Variants in ZBTB20 observed in about 807,000 individuals in gnomAD.
ZBTB20 encodes zinc finger and BTB domain containing 20.
In ZBTB20, 9 loss-of-function variants were observed where a neutral mutation model predicts 56.9. The observed-to-expected ratio is 0.16, with a 90% CI of 0.10 to 0.28. The LOEUF is 0.28. ZBTB20 is among the 10% of genes least tolerant of loss of function. The probability of loss-of-function intolerance (pLI) is 1.00; values close to 1 mark genes in which losing one functional copy is unlikely to be tolerated. For missense variants in ZBTB20, 655 were observed against 1,003.0 expected, an observed-to-expected ratio of 0.65 and a Z score of 4.69; for synonymous variants, 417 against 420.7, an observed-to-expected ratio of 0.99 and a Z score of 0.11.
chr3:115,066,646 T>C (rs1177392802), intron 2 of ZBTB20, among the ~76,000 whole-genome samples: 1 of 152,166 alleles, frequency 6.6e-6, no homozygotes, highest in Non-Finnish European at 1.5e-5. Flanking sequence ...TCCCACCTCA[T>C]TTCTGACTTC....
intron 3 of ZBTB20, among the ~76,000 whole-genome samples, chr3:114,926,070 T>C (rs754121992): frequency 2.0e-5 from 3 of 152,218 alleles, no homozygotes; most frequent in Non-Finnish European, 4.4e-5. Context: ...ACAGAATTTA[T>C]ACACACAATA....
At chr3:115,051,960 G>A (rs960179734) in intron 2 of ZBTB20, among the ~76,000 whole-genome samples, 5 of 151,896 alleles carry the variant, frequency 3.3e-5, no homozygotes, top group African/African-American at 7.3e-5. Flanking sequence ...ACCAGATCTC[G>A]GTGAGAACTC....
intron 6 of ZBTB20, among the ~76,000 whole-genome samples, chr3:114,501,558 G>T (rs1268220381): frequency 4.0e-5 from 6 of 149,322 alleles, no homozygotes; most frequent in African/African-American, 1.2e-4. Flanking sequence ...CCTGGGAGGC[G>T]GAGGTTGCAG....
At chr3:114,835,732 T>C (rs1196295523) in intron 4 of ZBTB20, among the ~76,000 whole-genome samples, 1 of 152,194 alleles carries the variant, frequency 6.6e-6, no homozygotes, top group African/African-American at 2.4e-5. Flanking sequence ...AGTCCATAGA[T>C]ACCTAAAGAC....
intron 1 of ZBTB20, among the ~76,000 whole-genome samples, chr3:115,089,351 T>G (rs2083103280): frequency 6.6e-6 from 1 of 151,838 alleles, no homozygotes; most frequent in Non-Finnish European, 1.5e-5. Flanking sequence ...GCATGGTGGT[T>G]AAGAGATCCC....
intron 5 of ZBTB20, among the ~76,000 whole-genome samples, chr3:114,709,325 A>C (rs9855220): frequency 0.98 from 149,625 of 152,170 alleles, 73,622 homozygotes; most frequent in Middle Eastern, 1. Context: ...TACACCCACA[A>C]TTGACCATAG....
At chr3:114,477,338 A>G (rs1435664642) in intron 7 of ZBTB20, among the ~76,000 whole-genome samples, 2 of 152,268 alleles carry the variant, frequency 1.3e-5, no homozygotes, top group South Asian at 4.2e-4. Flanking sequence ...TTTAATCATC[A>G]TAAGAGTTTT....
At chr3:114,845,382 T>A (rs1055871766) in intron 4 of ZBTB20, among the ~76,000 whole-genome samples, 1 of 148,858 alleles carries the variant, frequency 6.7e-6, no homozygotes, top group African/African-American at 2.5e-5. Flanking sequence ...AGGACCCAAA[T>A]TTATTAAATC....
At chr3:114,423,064 CA>C (rs1280199616) in intron 7 of ZBTB20, among the ~76,000 whole-genome samples, 1 of 152,116 alleles carries the variant, frequency 6.6e-6, no homozygotes, top group Non-Finnish European at 1.5e-5. Flanking sequence ...CAAAGGGCAA[CA>C]TTTTAATATT....
At chr3:115,063,527 C>A (rs2082088492) in intron 2 of ZBTB20, among the ~76,000 whole-genome samples, 1 of 152,170 alleles carries the variant, frequency 6.6e-6, no homozygotes, top group African/African-American at 2.4e-5. Flanking sequence ...GCCCCATGTA[C>A]AAATGCCATC....
intron 6 of ZBTB20, among the ~76,000 whole-genome samples, chr3:114,634,508 A>G (rs2059147141): frequency 6.6e-6 from 1 of 152,184 alleles, no homozygotes; most frequent in South Asian, 2.1e-4. Context: ...AACAAATAAT[A>G]GGGGTGAAGT....
intron 7 of ZBTB20, among the ~76,000 whole-genome samples, chr3:114,398,708 A>G (rs942328585): frequency 6.6e-6 from 1 of 152,226 alleles, no homozygotes; most frequent in African/African-American, 2.4e-5. Context: ...TCATTAAATC[A>G]TGGTAACTTG....
At chr3:115,036,804 A>T (rs1220227675) in intron 2 of ZBTB20, among the ~76,000 whole-genome samples, 1 of 152,184 alleles carries the variant, frequency 6.6e-6, no homozygotes, top group Non-Finnish European at 1.5e-5. Flanking sequence ...AAGAGATAGC[A>T]TTAACCTTTT....
chr3:114,665,961 G>A (rs551338331), intron 6 of ZBTB20, among the ~76,000 whole-genome samples: 52 of 151,990 alleles, frequency 3.4e-4, no homozygotes, highest in African/African-American at 1.2e-3. Flanking sequence ...GTTTTATTGC[G>A]TGCCTCCTCC....
chr3:114,497,584 C>A (rs1023134773), intron 7 of ZBTB20, among the ~76,000 whole-genome samples: 3 of 152,122 alleles, frequency 2.0e-5, no homozygotes, highest in African/African-American at 7.2e-5. Context: ...ACTTTAAGAC[C>A]CAGCCTGGTC....
chr3:114,956,939 G>A (rs559529738), intron 3 of ZBTB20, among the ~76,000 whole-genome samples: 1 of 152,258 alleles, frequency 6.6e-6, no homozygotes, highest in Admixed American at 6.5e-5. Context: ...GCAACATAGA[G>A]GCAGCTTTGA....
intron 7 of ZBTB20, among the ~76,000 whole-genome samples, chr3:114,449,922 C>A (rs1333561848): frequency 6.6e-6 from 1 of 152,104 alleles, no homozygotes; most frequent in Non-Finnish European, 1.5e-5. Flanking sequence ...AGTGAAATAA[C>A]TGATTGAGTT....
Position 114,896,475 on chromosome 3 carries a change from G to A in ZBTB20, c.-417+3829C>T, listed in dbSNP as rs892015688. On this transcript the variant is annotated intron_variant, in intron 4 of 11. Coordinates refer to ENST00000675478, the MANE Select transcript of ZBTB20 (RefSeq NM_001348800.3). The stretch of plus-strand genomic sequence containing the variant: ...CATGGATGAATGCTGAGGACATTAC[G>A]CTAAGTGAAATAAGCCAAACACGAG... Among the ~76,000 whole-genome samples, 21 of 152,056 alleles carry A rather than the reference G, an allele frequency of 1.4e-4. 1 individual carries two copies. Among genetic ancestry groups the A allele is most frequent in the African/African-American group, 4.8e-4 (20 of 41,420 alleles).
chr3:114,380,282 T>C lies in ZBTB20; in HGVS notation c.134A>G (p.Asp45Gly). 2 of 1,537,056 alleles carry C rather than the reference T, an allele frequency of 1.3e-6. No homozygotes were observed. The highest frequency in any genetic ancestry group is 1.7e-6 in the Non-Finnish European group (2 of 1,146,856). ...CLNFEAVLSP[D>G]PALIHSTHSL... ...ATGTGTTGAGTGGATGAGGGCTGGG[T>C]CTGGAGACAAAACAGCTTCAAAGTT... Residue 45 changes from aspartate (D) to glycine (G), a missense_variant, in exon 10 of 12, where the codon GAC becomes GGC. By Grantham distance (94) the Asp-to-Gly change is moderately conservative (BLOSUM62 -1). This residue lies in a region of ZBTB20 where 79 missense variants were observed against 78.4 expected (regional missense o/e 1.01). Coordinates refer to ENST00000675478, the MANE Select transcript of ZBTB20 (RefSeq NM_001348800.3).
Sources: allele counts gnomAD v4.1 joint callset (sites outside exome capture counted in the v4.1 genomes callset), GRCh38; gene constraint gnomAD v4.1.1; regional missense constraint gnomAD v4.1.1; transcripts MANE v1.5; gene names NCBI Gene and HGNC (gene_info 2026-07-23, HGNC 2026-07-21).